C2orf74: variants seen among roughly 807,000 people sequenced by gnomAD.
C2orf74 encodes DPM1 ER membrane anchor 1, also known as uncharacterized protein C2orf74.
In C2orf74, 14 loss-of-function variants were observed where a neutral mutation model predicts 17.9. The observed-to-expected ratio is 0.78, with a 90% CI of 0.52 to 1.22. The LOEUF is 1.22. Ranked by LOEUF, C2orf74 falls within the 50% of genes most tolerant of loss-of-function variation. The pLI is 0.00. For synonymous variants in C2orf74, 79 were observed against 72.6 expected (o/e 1.09, Z -0.44); for missense variants, 217 against 218.4 (o/e 0.99, Z 0.04).
At chr2:61,161,933 G>T (rs1254604849), upstream of C2orf74, 1 of 153,370 alleles carries the variant, frequency 6.5e-6, no homozygotes, top group African/African-American at 2.4e-5. Context: ...GCTCAGATTA[G>T]GAAAGGAAAG....
chr2:61,154,309 T>C (rs1685331396), intron 1 of C2orf74, among the ~76,000 whole-genome samples: 1 of 151,712 alleles, frequency 6.6e-6, no homozygotes, highest in Non-Finnish European at 1.5e-5. Flanking sequence ...GTATACTTGA[T>C]CAGTGCTTTA....
At chr2:61,163,432 C>T (rs758263260) in intron 4 of C2orf74, among the ~76,000 whole-genome samples, 200 bp downstream of exon 4, 2 of 151,820 alleles carry the variant, frequency 1.3e-5, no homozygotes, top group South Asian at 2.1e-4. Flanking sequence ...GGTGAAACCC[C>T]GTCTCTACTA....
intron 1 of C2orf74, among the ~76,000 whole-genome samples, chr2:61,152,945 C>A (rs1457115326): frequency 6.6e-6 from 1 of 150,386 alleles, no homozygotes; most frequent in Non-Finnish European, 1.5e-5. Flanking sequence ...CACCTGAGGT[C>A]AGGAGTTTGA....
At chr2:61,163,625 A>T (rs911670313) in intron 4 of C2orf74, among the ~76,000 whole-genome samples, 1 of 151,398 alleles carries the variant, frequency 6.6e-6, no homozygotes, top group African/African-American at 2.4e-5. Context: ...ATAATAATAA[A>T]TAATAATAAT....
intron 1 of C2orf74, among the ~76,000 whole-genome samples, chr2:61,150,762 T>G (rs987077815): frequency 6.6e-6 from 1 of 152,080 alleles, no homozygotes; most frequent in Non-Finnish European, 1.5e-5. Context: ...ATCACTTTTG[T>G]TGGAGTTTAT....
chr2:61,157,724 T>G (rs1248600738), upstream of C2orf74: 1 of 378,136 alleles, frequency 2.6e-6, no homozygotes, highest in Non-Finnish European at 5.4e-6. Flanking sequence ...TGTTGACCCT[T>G]GAACTGTGGA....
upstream of C2orf74, among the ~76,000 whole-genome samples, chr2:61,160,337 T>G (rs1038114349): frequency 4.6e-5 from 7 of 152,064 alleles, no homozygotes; most frequent in Non-Finnish European, 7.4e-5. Flanking sequence ...ATTTTTGTAT[T>G]TTTAGTAGAG....
At chr2:61,147,646 A>C (rs555001188) in intron 1 of C2orf74, among the ~76,000 whole-genome samples, 2 of 152,236 alleles carry the variant, frequency 1.3e-5, no homozygotes, top group East Asian at 1.9e-4. Context: ...TTTGAGAAGT[A>C]CCTTTTTTCT....
At chr2:61,149,385 G>A (rs1432448394) in intron 1 of C2orf74, among the ~76,000 whole-genome samples, 1 of 151,996 alleles carries the variant, frequency 6.6e-6, no homozygotes, top group African/African-American at 2.4e-5. Context: ...TTCCACAGCT[G>A]CCCGGGGTGT....
chr2:61,158,983 GT>G (rs869151592), upstream of C2orf74, among the ~76,000 whole-genome samples: 29 of 38,322 alleles, frequency 7.6e-4, no homozygotes, highest in African/African-American at 1.6e-3. Flanking sequence ...TTTTTTTGTT[GT>G]TTGTTTGTTT....
At chr2:61,149,314 T>C (rs1685154824) in intron 1 of C2orf74, among the ~76,000 whole-genome samples, 1 of 152,142 alleles carries the variant, frequency 6.6e-6, no homozygotes, top group Non-Finnish European at 1.5e-5. Flanking sequence ...CATAGATGTG[T>C]CCTGCTATAA....
chr2:61,152,803 G>C (rs551007641), intron 1 of C2orf74, among the ~76,000 whole-genome samples: 1 of 128,060 alleles, frequency 7.8e-6, no homozygotes, highest in African/African-American at 3.0e-5. Flanking sequence ...AGCCAAGATT[G>C]CGCCATTGCA....
chr2:61,159,143 C>T (rs192610810), upstream of C2orf74, among the ~76,000 whole-genome samples: 708 of 149,950 alleles, frequency 4.7e-3, 5 homozygotes, highest in African/African-American at 0.016. Context: ...ACTACAGATG[C>T]GTGCCACCAC....
chr2:61,162,442 T>C lies in C2orf74; in HGVS notation c.-73T>C. The C allele has an allele frequency of 1.7e-6, 2 of 1,156,656 alleles. No homozygotes were observed. Among genetic ancestry groups the C allele is most frequent in the South Asian group, 2.8e-5 (2 of 70,472 alleles). 71.6% of individuals were successfully genotyped at this position (1,156,656 alleles called of 1,614,324 possible). On this transcript the variant is annotated 5_prime_UTR_variant, in exon 2 of 5. Coordinates refer to ENST00000432605, the MANE Select transcript of C2orf74 (RefSeq NM_001143959.4). Reference sequence around the variant, plus strand: ...AAACTTAAAGAACAAGAGAACTGCATTCAAATTGAGCTGGAAAAGAATATT... The same window carrying C: ...AAACTTAAAGAACAAGAGAACTGCACTCAAATTGAGCTGGAAAAGAATATT...
intron 1 of C2orf74, among the ~76,000 whole-genome samples, chr2:61,150,783 C>CA (rs1474763749): frequency 1.3e-5 from 2 of 152,124 alleles, no homozygotes; most frequent in African/African-American, 2.4e-5. Context: ...GAGGAAAAGG[C>CA]AAGGGAGGGC....
At chr2:61,154,048 G>T (rs1240522827) in intron 1 of C2orf74, among the ~76,000 whole-genome samples, 1 of 151,960 alleles carries the variant, frequency 6.6e-6, no homozygotes, top group Non-Finnish European at 1.5e-5. Flanking sequence ...AGACCATCCT[G>T]GCTAACATGG....
intron 1 of C2orf74, chr2:61,152,260 T>G (rs1275131724): frequency 6.6e-6 from 1 of 152,306 alleles, no homozygotes; most frequent in Non-Finnish European, 1.5e-5. Flanking sequence ...TTACCAAGCA[T>G]GTCGGGCGCG....
intron 1 of C2orf74, among the ~76,000 whole-genome samples, chr2:61,154,223 A>C (rs965126508): frequency 5.2e-5 from 7 of 133,782 alleles, no homozygotes; most frequent in Non-Finnish European, 1.1e-4. Flanking sequence ...AATAAGAGCG[A>C]AATTCTGTCT....
chr2:61,147,597 G>T (rs1685108241), intron 1 of C2orf74, among the ~76,000 whole-genome samples: 1 of 152,130 alleles, frequency 6.6e-6, no homozygotes, highest in African/African-American at 2.4e-5. Flanking sequence ...AATTAGCGAG[G>T]TGAGCCTCTT....
Sources: allele counts gnomAD v4.1 joint callset (sites outside exome capture counted in the v4.1 genomes callset), GRCh38; gene constraint gnomAD v4.1.1; transcripts MANE v1.5; gene names NCBI Gene and HGNC (gene_info 2026-07-23, HGNC 2026-07-21).